The following NENF variants were observed in gnomAD, a reference collection of about 807,000 sequenced individuals.
The protein encoded by NENF is neudesin neurotrophic factor.
Under a neutral mutation model 14.8 loss-of-function variants are expected in NENF, and 6 were observed. The observed-to-expected ratio is 0.40, with a 90% CI of 0.22 to 0.80. The LOEUF is 0.80. NENF is among the 30% of genes least tolerant of loss of function. NENF has a pLI of 0.34. For synonymous variants in NENF, 76 were observed against 95.1 expected (o/e 0.80, Z 1.17); for missense variants, 184 against 212.7 (o/e 0.87, Z 0.84).
intron 1 of NENF, among the ~76,000 whole-genome samples, chr1:212,436,156 A>C (rs899887049): frequency 6.6e-6 from 1 of 152,178 alleles, no homozygotes; most frequent in Non-Finnish European, 1.5e-5. Context: ...TTCAAGGGTC[A>C]ACTATATATA....
At position 212,446,217 on chromosome 1, in the gene NENF, G is replaced by A. The variant is rs1662777132; in HGVS notation, c.*211G>A. 3 of 552,394 alleles carry A rather than the reference G, an allele frequency of 5.4e-6. No homozygotes were observed. The African/African-American group carries it at 5.6e-5, about 10-fold the overall frequency. The allele number at this position is 552,394 out of a possible 1,614,324, so 34.2% of individuals were successfully genotyped here. A position where few individuals can be genotyped will look rare whatever the true frequency, so the allele number is the denominator to read the frequency against. On this transcript the variant is annotated 3_prime_UTR_variant, in exon 4 of 4. Coordinates refer to ENST00000366988, the MANE Select transcript of NENF (RefSeq NM_013349.5). Reference sequence around the variant, plus strand: ...CTGTCTGCACACCAGGGATCAATAAGAGCCAAAGTGGGACACCTCCTAGAT... The same window carrying A: ...CTGTCTGCACACCAGGGATCAATAAAAGCCAAAGTGGGACACCTCCTAGAT...
Position 212,433,495 on chromosome 1 carries a change from G to T in NENF, c.177+375G>T, listed in dbSNP as rs1483149337. On this transcript the variant is annotated intron_variant, in intron 1 of 3. Transcript: ENST00000366988. This position sits in a 1 kb window ranked among gnomAD's most constrained non-coding sequence, Gnocchi z 5.5. ...GTGCCCACGCATAGTGGGGAGTGGC[G>T]GGGGACGGAGGGAGGGAAGCAGAGC... 6.6e-6 allele frequency among the ~76,000 whole-genome samples: 1 copy of T among 152,096 alleles called. No individual in the cohort carries two copies. The highest frequency in any genetic ancestry group is 1.5e-5 in the Non-Finnish European group (1 of 67,984).
rs936527770 is a variant in NENF at position 212,433,456 on chromosome 1, C to A, written c.177+336C>A. ...TTTTTGGTTTTCATGTTAGCATCAG[C>A]CGAGGCGTTTACTGTGCCCACGCAT... On this transcript the variant is annotated intron_variant, in intron 1 of 3. Transcript: ENST00000366988. The surrounding 1 kb of genome is among the most constrained non-coding windows in gnomAD (Gnocchi z 5.5). Among the ~76,000 whole-genome samples the A allele has an allele frequency of 5.3e-5, 8 of 152,170 alleles. No individual in the cohort carries two copies. The highest frequency in any genetic ancestry group is 2.0e-4 in the Admixed American group (3 of 15,274).
At chr1:212,440,019 A>G (rs1662675814) in intron 1 of NENF, among the ~76,000 whole-genome samples, 1 of 152,134 alleles carries the variant, frequency 6.6e-6, no homozygotes, top group Non-Finnish European at 1.5e-5. Context: ...TGGGAGGCCG[A>G]GGCGGGCAGA....
intron 1 of NENF, among the ~76,000 whole-genome samples, chr1:212,441,453 C>G (rs1010755461): frequency 6.6e-6 from 1 of 151,982 alleles, no homozygotes; most frequent in Admixed American, 6.6e-5. Context: ...AAATAGAAAG[C>G]TAGCTAAACA....
In NENF at chr1:212,433,212, A is replaced by C; in HGVS notation, c.177+92A>C. On this transcript the variant is annotated intron_variant, in intron 1 of 3. Transcript: ENST00000366988. This position sits in a 1 kb window ranked among gnomAD's most constrained non-coding sequence, Gnocchi z 5.5. ...ACCCAGGAGGCGCCGGCGGCCCAGG[A>C]AGCTCTGGGGGACGCGCGGCCCGCG... 1.2e-6 allele frequency: 1 copy of C among 841,306 alleles called. No individual in the cohort carries two copies. The highest frequency in any genetic ancestry group is 1.5e-6 in the Non-Finnish European group (1 of 662,866). 52.1% of individuals were successfully genotyped at this position (841,306 alleles called of 1,614,324 possible).
Position 212,433,744 on chromosome 1 carries a change from C to T in NENF, c.177+624C>T, listed in dbSNP as rs368736747. 1.8e-4 allele frequency among the ~76,000 whole-genome samples: 27 copies of T among 151,924 alleles called. No individual in the cohort carries two copies. Among genetic ancestry groups the T allele is most frequent in the African/African-American group, 5.3e-4 (22 of 41,446 alleles). On this transcript the variant is annotated intron_variant, in intron 1 of 3. Coordinates refer to ENST00000366988, the MANE Select transcript of NENF (RefSeq NM_013349.5). This position sits in a 1 kb window ranked among gnomAD's most constrained non-coding sequence, Gnocchi z 5.5. The stretch of plus-strand genomic sequence containing the variant: ...CCCCCCGCCACACGTCAATAGAGAC[C>T]CCCCCGCCCACACACACCCACACAC...
Position 212,442,609 on chromosome 1 carries a change from T to C in NENF, c.222T>C (p.Asp74=), listed in dbSNP as rs201788672. The C allele has an allele frequency of 1.2e-6, 2 of 1,613,600 alleles. No homozygotes were observed. Among genetic ancestry groups the C allele is most frequent in the East Asian group, 4.5e-5 (2 of 44,876 alleles). Residue 74 remains aspartate (D), a synonymous_variant, in exon 2 of 4, where the codon GAT becomes GAC. Coordinates refer to ENST00000366988, the MANE Select transcript of NENF (RefSeq NM_013349.5). ...TGGCAGTGAAGGGAGTGGTGTTTGA[T>C]GTCACCTCCGGAAAGGGTAAGTGGT... is the stretch of plus-strand genomic sequence containing the variant. ...IYLAVKGVVF[D]VTSGKEFYGR... is the part of the protein sequence containing the mutation.
At chr1:212,437,304 T>G (rs563683954) in intron 1 of NENF, among the ~76,000 whole-genome samples, 1 of 152,206 alleles carries the variant, frequency 6.6e-6, no homozygotes, top group Non-Finnish European at 1.5e-5. Context: ...CATGTTTCAC[T>G]GGAGAAATAC....
rs1023885081 is a variant in NENF, at chr1:212,433,868, T to C, written c.177+748T>C. ...GACAAGGACCAACAGGGGGCTGATA[T>C]TAGATGTGGAGCGGGGGAACGGCAT... On this transcript the variant is annotated intron_variant, in intron 1 of 3. Coordinates refer to ENST00000366988, the MANE Select transcript of NENF (RefSeq NM_013349.5). The surrounding 1 kb of genome is among the most constrained non-coding windows in gnomAD (Gnocchi z 5.5). 6.6e-6 allele frequency among the ~76,000 whole-genome samples: 1 copy of C among 151,902 alleles called. No homozygotes were observed. Among genetic ancestry groups the C allele is most frequent in the African/African-American group, 2.4e-5 (1 of 41,362 alleles).
intron 2 of NENF, among the ~76,000 whole-genome samples, chr1:212,443,466 T>A (rs768161488): frequency 6.6e-6 from 1 of 152,136 alleles, no homozygotes; most frequent in South Asian, 2.1e-4. Flanking sequence ...AGTGCAGTGA[T>A]GCGACCTTCT....
chr1:212,446,185 G>C lies in NENF; in HGVS notation c.*179G>C. The C allele has an allele frequency of 1.6e-6, 1 of 620,652 alleles. No individual in the cohort carries two copies. The highest frequency in any genetic ancestry group is 2.8e-6 in the Non-Finnish European group (1 of 359,998). 38.4% of individuals were successfully genotyped at this position (620,652 alleles called of 1,614,324 possible). A position where few individuals can be genotyped will look rare whatever the true frequency, so the allele number is the denominator to read the frequency against. On this transcript the variant is annotated 3_prime_UTR_variant, in exon 4 of 4. Transcript: ENST00000366988. ...CTTGGTCAGGGGTTCTGTCTACCTG[G>C]GGACCCCTGTCTGCACACCAGGGAT... is the stretch of plus-strand genomic sequence containing the variant.
intron 1 of NENF, among the ~76,000 whole-genome samples, chr1:212,435,908 G>A (rs940000518): frequency 1.3e-5 from 2 of 152,056 alleles, no homozygotes; most frequent in Admixed American, 6.6e-5. Context: ...CGATTACCAC[G>A]TATTTTGTAA....
intron 1 of NENF, among the ~76,000 whole-genome samples, chr1:212,434,469 C>G (rs191134974): frequency 6.6e-6 from 1 of 152,132 alleles, no homozygotes; most frequent in Non-Finnish European, 1.5e-5. Flanking sequence ...TGTGACCAGC[C>G]CCCAGTGAAA....
At chr1:212,443,464 G>A (rs552851727) in intron 2 of NENF, among the ~76,000 whole-genome samples, 166 of 152,038 alleles carry the variant, frequency 1.1e-3, no homozygotes, top group African/African-American at 3.2e-3. Flanking sequence ...AGAGTGCAGT[G>A]ATGCGACCTT....
Position 212,433,254 on chromosome 1 carries a change from G to A in NENF, c.177+134G>A, listed in dbSNP as rs991192674. ...CGGCCCGCGGCGGGCGCCCTGGGCC[G>A]GCGGGGGGCCTCCTCTCTCTAGGCC... On this transcript the variant is annotated intron_variant, in intron 1 of 3. Coordinates refer to ENST00000366988, the MANE Select transcript of NENF (RefSeq NM_013349.5). The surrounding 1 kb of genome is among the most constrained non-coding windows in gnomAD (Gnocchi z 5.5). 1 of 409,298 alleles carries A rather than the reference G, an allele frequency of 2.4e-6. No homozygotes were observed. The highest frequency in any genetic ancestry group is 3.8e-6 in the Non-Finnish European group (1 of 265,602). The allele number at this position is 409,298 out of a possible 1,614,324, so 25.4% of individuals were successfully genotyped here. A position where few individuals can be genotyped will look rare whatever the true frequency, so the allele number is the denominator to read the frequency against.
intron 1 of NENF, among the ~76,000 whole-genome samples, chr1:212,435,707 G>T (rs1558192067): frequency 6.6e-6 from 1 of 151,844 alleles, no homozygotes; most frequent in Non-Finnish European, 1.5e-5. Context: ...ACCACACCTG[G>T]CTATTTTTTA....
intron 3 of NENF, among the ~76,000 whole-genome samples, chr1:212,445,616 G>A (rs1662765314): frequency 6.6e-6 from 1 of 152,138 alleles, no homozygotes; most frequent in Non-Finnish European, 1.5e-5. Context: ...CACAAAGTGT[G>A]ATGAAGCATT....
intron 1 of NENF, among the ~76,000 whole-genome samples, chr1:212,439,276 T>C (rs1662660814): frequency 1.3e-5 from 2 of 151,912 alleles, no homozygotes; most frequent in African/African-American, 4.8e-5. Context: ...CTCACGCCTG[T>C]AATCCCAGCA....
Sources: allele counts gnomAD v4.1 joint callset (sites outside exome capture counted in the v4.1 genomes callset), GRCh38; gene constraint gnomAD v4.1.1; non-coding constraint Gnocchi (gnomAD v3.1); transcripts MANE v1.5; gene names NCBI Gene and HGNC (gene_info 2026-07-23, HGNC 2026-07-21).